SRGAP2: variants seen among roughly 807,000 people sequenced by gnomAD.
SRGAP2 encodes SLIT-ROBO Rho GTPase activating protein 2.
A neutral mutation model predicts 57.2 loss-of-function variants in SRGAP2; 15 were observed. The observed-to-expected ratio is 0.26, with a 90% confidence interval of 0.18 to 0.40. SRGAP2 has a LOEUF of 0.40. Among genes scored for constraint, SRGAP2 ranks in the 10% least tolerant of loss-of-function variants. SRGAP2 has a pLI of 1.00. For missense variants in SRGAP2, 520 were observed against 669.6 expected, an observed-to-expected ratio of 0.78 and a Z score of 2.47; for synonymous variants, 249 against 248.0, an observed-to-expected ratio of 1.00 and a Z score of -0.04.
chr1:206,276,663 T>C (rs1670430212), intron 2 of SRGAP2, among the ~76,000 whole-genome samples: 1 of 152,106 alleles, frequency 6.6e-6, no homozygotes, highest in Admixed American at 6.5e-5. Context: ...ATTGCCTCCT[T>C]GTGGCCTGAA....
rs150310520 is a variant in SRGAP2, at chr1:206,379,123, C to T, written c.424-4891C>T. On this transcript the variant is annotated intron_variant, in intron 4 of 22. Coordinates refer to ENST00000573034, the MANE Select transcript of SRGAP2 (RefSeq NM_015326.5). ...TCAGAGCCGTCTCATGGTATCCTCA[C>T]TGATGAATGAATGCTGAATAGAAAG... Among the ~76,000 whole-genome samples the T allele has an allele frequency of 1.1e-4, 16 of 152,286 alleles. No individual in the cohort carries two copies. The East Asian group carries it at 2.9e-3, about 28-fold the overall frequency.
intron 4 of SRGAP2, among the ~76,000 whole-genome samples, chr1:206,354,141 G>T (rs1214063921): frequency 6.6e-6 from 1 of 152,078 alleles, no homozygotes; most frequent in African/African-American, 2.4e-5. Flanking sequence ...CTGTGGGTCT[G>T]TTTATTGATT....
intron 3 of SRGAP2, among the ~76,000 whole-genome samples, chr1:206,338,096 T>C (rs1235167215): frequency 2.9e-5 from 4 of 136,376 alleles, no homozygotes; most frequent in Non-Finnish European, 4.7e-5. Flanking sequence ...CCGGGTCTCC[T>C]TTCGACTCCA....
intron 2 of SRGAP2, among the ~76,000 whole-genome samples, chr1:206,281,838 C>T (rs1409682635): frequency 3.0e-5 from 4 of 135,434 alleles, no homozygotes; most frequent in Middle Eastern, 3.6e-3. Context: ...AACTTGAACC[C>T]GGGAGGCGGT....
intron 14 of SRGAP2, among the ~76,000 whole-genome samples, chr1:206,436,449 C>T (rs1326989846): frequency 6.6e-6 from 1 of 151,482 alleles, no homozygotes; most frequent in Admixed American, 6.6e-5. Context: ...CTTCCAGGTT[C>T]AAGTGAACCT....
intron 18 of SRGAP2, among the ~76,000 whole-genome samples, chr1:206,446,757 C>T (rs988949076): frequency 3.3e-5 from 5 of 152,104 alleles, no homozygotes; most frequent in Non-Finnish European, 7.4e-5. Context: ...TGTAAGCTGG[C>T]ACTTCAGAAT....
chr1:206,333,679 A>G (rs1343792835), intron 3 of SRGAP2, among the ~76,000 whole-genome samples: 1 of 152,098 alleles, frequency 6.6e-6, no homozygotes, highest in African/African-American at 2.4e-5. Flanking sequence ...GGCACGTGTC[A>G]CCATACCTGG....
In SRGAP2 at chr1:206,436,263, C is replaced by T. The variant is rs149915963; in HGVS notation, c.1556-702C>T. ...AGCATTGCCCCCTTGAACAATCAAA[C>T]CGTGTTAAAACAGCTAAAGCAATAT... On this transcript the variant is annotated intron_variant, in intron 14 of 22. Coordinates refer to ENST00000573034, the MANE Select transcript of SRGAP2 (RefSeq NM_015326.5). Among the ~76,000 whole-genome samples the T allele has an allele frequency of 1.5e-3, 234 of 152,246 alleles. 1 individual carries two copies. Among genetic ancestry groups the T allele is most frequent in the African/African-American group, 5.4e-3 (225 of 41,532 alleles).
intron 2 of SRGAP2, among the ~76,000 whole-genome samples, chr1:206,275,573 C>T (rs1268819351): frequency 1.8e-3 from 234 of 130,666 alleles, no homozygotes; most frequent in Non-Finnish European, 2.3e-3. Flanking sequence ...TCTTCCCTTC[C>T]AGGGGTCTTC....
chr1:206,253,453 C>T (rs1234613441), intron 2 of SRGAP2, among the ~76,000 whole-genome samples: 4 of 151,906 alleles, frequency 2.6e-5, no homozygotes, highest in African/African-American at 9.7e-5. Flanking sequence ...TCACCAGAGG[C>T]AGGTTCCTTG....
chr1:206,404,410 A>G (rs1363294363), intron 8 of SRGAP2, among the ~76,000 whole-genome samples: 3 of 152,368 alleles, frequency 2.0e-5, no homozygotes, highest in East Asian at 1.9e-4. Context: ...CTCTGCAGAC[A>G]AGAGGCTAAA....
rs1438236423 is a variant in SRGAP2, at chr1:206,450,978, G to T, written c.2179+513G>T. Reference sequence around the variant, plus strand: ...AAAAAAAAAAATAGCCTGGCATGGTGGTGTGCAGCATCCCTGTAGTGCCAG... The same window carrying T: ...AAAAAAAAAAATAGCCTGGCATGGTTGTGTGCAGCATCCCTGTAGTGCCAG... On this transcript the variant is annotated intron_variant, in intron 19 of 22. Transcript: ENST00000573034. 5.9e-5 allele frequency among the ~76,000 whole-genome samples: 9 copies of T among 151,646 alleles called. 1 individual carries two copies. The highest frequency in any genetic ancestry group is 1.2e-4 in the Non-Finnish European group (8 of 67,930).
At chr1:206,283,254 A>G (rs1223636905) in intron 2 of SRGAP2, among the ~76,000 whole-genome samples, 3 of 149,774 alleles carry the variant, frequency 2.0e-5, no homozygotes, top group Non-Finnish European at 4.5e-5. Context: ...ATTACTTCTT[A>G]TGGTAGTCTG....
chr1:206,210,678 A>G (rs1666262649), intron 2 of SRGAP2, among the ~76,000 whole-genome samples: 2 of 148,164 alleles, frequency 1.3e-5, no homozygotes, highest in African/African-American at 5.2e-5. Context: ...GCAGTTTTTC[A>G]TTCATGCCAA....
intron 2 of SRGAP2, among the ~76,000 whole-genome samples, chr1:206,243,726 A>T (rs1668383116): frequency 6.6e-6 from 1 of 152,228 alleles, no homozygotes; most frequent in African/African-American, 2.4e-5. Flanking sequence ...CATGGAGACC[A>T]TCTGGATCTA....
At chr1:206,268,096 TA>T (rs1460630109) in intron 2 of SRGAP2, among the ~76,000 whole-genome samples, 6 of 150,372 alleles carry the variant, frequency 4.0e-5, no homozygotes, top group Admixed American at 1.3e-4. Context: ...TTTTTTTTTT[TA>T]AATTATACTT....
chr1:206,399,092 T>C (rs1287769260), intron 7 of SRGAP2, among the ~76,000 whole-genome samples: 1 of 152,248 alleles, frequency 6.6e-6, no homozygotes, highest in East Asian at 1.9e-4. Flanking sequence ...ATTAAGTAGC[T>C]TGCTTATGGC....
chr1:206,353,030 T>A (rs1676150245), intron 4 of SRGAP2, among the ~76,000 whole-genome samples: 1 of 151,928 alleles, frequency 6.6e-6, no homozygotes, highest in African/African-American at 2.4e-5. Context: ...TTATCTTTGG[T>A]TTTTAGTTCT....
chr1:206,372,793 G>A (rs1396338118), intron 4 of SRGAP2, among the ~76,000 whole-genome samples: 1 of 80,304 alleles, frequency 1.2e-5, no homozygotes, highest in Non-Finnish European at 2.4e-5. Flanking sequence ...TAAGAGAACA[G>A]ATACACTTTA....
Sources: gnomAD v4.1 joint callset for allele counts (sites outside exome capture counted in the v4.1 genomes callset) on GRCh38, gnomAD v4.1.1 for gene constraint, MANE v1.5 for transcripts, NCBI Gene and HGNC (gene_info 2026-07-23, HGNC 2026-07-21) for gene names.